ZNF331: variants seen among roughly 807,000 people sequenced by gnomAD.
ZNF331 encodes C2H2-like zinc finger protein rearranged in thyroid adenomas.
A neutral mutation model predicts 7.0 loss-of-function variants in ZNF331; 2 were observed. The observed-to-expected ratio is 0.29, with a 90% confidence interval of 0.12 to 0.90. The LOEUF is 0.90. ZNF331 is among the 40% of genes least tolerant of loss of function. The pLI is 0.58. For missense variants in ZNF331, 432 were observed against 587.7 expected (o/e 0.74, Z 2.74); for synonymous variants, 196 against 205.4 (o/e 0.95, Z 0.39).
intron 3 of ZNF331, among the ~76,000 whole-genome samples, chr19:53,568,123 C>T (rs1310546022): frequency 6.6e-6 from 1 of 151,898 alleles, no homozygotes; most frequent in African/African-American, 2.4e-5. Flanking sequence ...GTGGCATGTG[C>T]CTATAGTCCC....
At chr19:53,544,022 A>T (rs1467218020) in intron 2 of ZNF331, among the ~76,000 whole-genome samples, 1 of 151,748 alleles carries the variant, frequency 6.6e-6, no homozygotes. Flanking sequence ...AGGTCAGGAG[A>T]TCGAGACCGT....
In ZNF331 at chr19:53,539,655, C is replaced by A. The variant is rs752187595; in HGVS notation, c.-138+373C>A. On this transcript the variant is annotated intron_variant, in intron 2 of 5. Transcript: ENST00000449416. This position sits in a 1 kb window ranked among gnomAD's most constrained non-coding sequence, Gnocchi z 6.1. ...TGCCTTTAACTCCACTTACAACTTT[C>A]CAAGGGACATTCTGTGTATATTTAC... is the stretch of plus-strand genomic sequence containing the variant. 4 of 152,154 alleles carry A rather than the reference C, an allele frequency of 2.6e-5. No individual in the cohort carries two copies. The highest frequency in any genetic ancestry group is 4.4e-5 in the Non-Finnish European group (3 of 68,044). The allele number at this position is 152,154 out of a possible 1,614,324, so 9.4% of individuals were successfully genotyped here.
rs772337491 is a variant in ZNF331, at chr19:53,576,734, A to G, written c.174A>G (p.Thr58=). The change falls in exon 6 of 6, where the codon ACA becomes ACG. Residue 58 remains threonine, a synonymous_variant. Transcript: ENST00000449416. Reference sequence around the variant, plus strand: ...CATATGAAAATAAGAGTTTACCTACAGAAAAAAACATTCATGAAATAAGGG... The same window carrying G: ...CATATGAAAATAAGAGTTTACCTACGGAAAAAAACATTCATGAAATAAGGG... ...ESAYENKSLP[T]EKNIHEIRAS... 1 of 1,611,650 alleles carries G rather than the reference A, an allele frequency of 6.2e-7. No individual in the cohort carries two copies. The highest frequency in any genetic ancestry group is 1.1e-5 in the South Asian group (1 of 90,536).
In ZNF331 at chr19:53,579,556, CTAT is replaced by C. The variant is rs2090852339; in HGVS notation, c.*1606_*1608del. 9.9e-6 allele frequency: 2 copies of C among 202,836 alleles called. No individual in the cohort carries two copies. Among genetic ancestry groups the C allele is most frequent in the African/African-American group, 2.3e-5 (1 of 43,608 alleles). The allele number at this position is 202,836 out of a possible 1,614,324, so 12.6% of individuals were successfully genotyped here. On this transcript the variant is annotated 3_prime_UTR_variant, in exon 6 of 6. Transcript: ENST00000449416. ...ATTGTGTAATTTTAATAAATAATAACTATTGTTGTTTTTATGATCATTACTACC... is the reference window on the plus strand; with the variant it reads ...ATTGTGTAATTTTAATAAATAATAACTGTTGTTTTTATGATCATTACTACC...
In ZNF331 at chr19:53,576,831, A is replaced by C; in HGVS notation, c.271A>C (p.Arg91=). The change falls in exon 6 of 6, where the codon AGA becomes CGA. Residue 91 remains arginine (R), a synonymous_variant. Transcript: ENST00000449416. ...CTGGATATGTGAAGGTACGCTTGAA[A>C]GACCACAGCGCTCCAGAGGGAGGTA... ...RNWICEGTLE[R]PQRSRGRYVN... 1 of 1,614,198 alleles carries C rather than the reference A, an allele frequency of 6.2e-7. No individual in the cohort carries two copies. Among genetic ancestry groups the C allele is most frequent in the Non-Finnish European group, 8.5e-7 (1 of 1,180,046 alleles).
chr19:53,513,802 G>T, the ZNF331 span, among the ~76,000 whole-genome samples: 1 of 152,142 alleles, frequency 6.6e-6, no homozygotes, highest in South Asian at 2.1e-4. Flanking sequence ...TAGAGATGAG[G>T]TTTCACCATG....
At chr19:53,528,223 G>A (rs780846461) in intron 2 of ZNF331, among the ~76,000 whole-genome samples, 11 of 152,102 alleles carry the variant, frequency 7.2e-5, no homozygotes, top group African/African-American at 1.7e-4. Context: ...TCTTAGAATC[G>A]TTTTTGCTAA....
At chr19:53,556,869 A>G (rs6509791) in intron 3 of ZNF331, among the ~76,000 whole-genome samples, 114,133 of 151,612 alleles carry the variant, frequency 0.75, 43,685 homozygotes, top group African/African-American at 0.9. Context: ...GCAGTGGCAC[A>G]ATCTTGGCTC....
intron 3 of ZNF331, among the ~76,000 whole-genome samples, chr19:53,565,508 C>T (rs751675386): frequency 6.6e-6 from 1 of 151,720 alleles, no homozygotes; most frequent in Non-Finnish European, 1.5e-5. Flanking sequence ...CCTTTTTTGT[C>T]CTTTATCCTT....
chr19:53,521,511 G>GT (rs1259977773), exon 1 of ZNF331: 1 of 152,302 alleles, frequency 6.6e-6, no homozygotes, highest in African/African-American at 2.4e-5. Context: ...CCCATAAACT[G>GT]TGACACAGGT....
chr19:53,523,029 T>C (rs1017214231), intron 2 of ZNF331, among the ~76,000 whole-genome samples: 1 of 152,170 alleles, frequency 6.6e-6, no homozygotes, highest in Non-Finnish European at 1.5e-5. Flanking sequence ...TTTTTTAACA[T>C]GGTTAATTTT....
rs751571163 is a variant in ZNF331 at position 53,578,792 on chromosome 19, GTTGTTT to G, written c.*861_*866del. On this transcript the variant is annotated 3_prime_UTR_variant, in exon 6 of 6. Coordinates refer to ENST00000449416, the MANE Select transcript of ZNF331 (RefSeq NM_001079906.2). ...TTAACGTAAGGCTTCACTGATCACT[GTTGTTT>G]TTGTTTTTGTTTTTGTTTTTTTGAG... 26 of 202,958 alleles carry G rather than the reference GTTGTTT, an allele frequency of 1.3e-4. No individual in the cohort carries two copies. The highest frequency in any genetic ancestry group is 2.0e-4 in the Non-Finnish European group (20 of 99,132). The allele number at this position is 202,958 out of a possible 1,614,324, so 12.6% of individuals were successfully genotyped here.
intron 3 of ZNF331, among the ~76,000 whole-genome samples, chr19:53,556,956 C>G (rs572481566): frequency 1.4e-5 from 2 of 146,356 alleles, no homozygotes; most frequent in Admixed American, 6.9e-5. Flanking sequence ...CAGGTGTGAG[C>G]CACCACACCT....
chr19:53,505,926 A>G, the ZNF331 span, among the ~76,000 whole-genome samples: 1 of 151,932 alleles, frequency 6.6e-6, no homozygotes, highest in South Asian at 2.1e-4. Flanking sequence ...CGGAGGTCGC[A>G]CTAGCCGAGA....
upstream of ZNF331, among the ~76,000 whole-genome samples, chr19:53,534,227 G>C (rs547974718): frequency 4.1e-4 from 63 of 152,218 alleles, no homozygotes; most frequent in African/African-American, 1.5e-3. Flanking sequence ...GGCTCTAGGA[G>C]GCATTCTCTT....
intron 1 of ZNF331, chr19:53,522,231 C>T: frequency 6.6e-6 from 1 of 150,758 alleles, no homozygotes; most frequent in South Asian, 2.1e-4. Context: ...GGTCTGGGGA[C>T]AAGTGTGCCC....
intron 5 of ZNF331, among the ~76,000 whole-genome samples, chr19:53,576,326 T>A (rs1407101516): frequency 2.0e-5 from 3 of 152,324 alleles, no homozygotes; most frequent in African/African-American, 7.2e-5. Flanking sequence ...GACATATACG[T>A]GTATCAGTTT....
intron 2 of ZNF331, among the ~76,000 whole-genome samples, chr19:53,551,623 G>T (rs527812007): frequency 6.6e-6 from 1 of 152,064 alleles, no homozygotes; most frequent in Non-Finnish European, 1.5e-5. Context: ...TGCATCTGTG[G>T]ATTCAGCCAC....
At chr19:53,546,031 C>T (rs1472754031) in intron 2 of ZNF331, among the ~76,000 whole-genome samples, 8 of 151,260 alleles carry the variant, frequency 5.3e-5, no homozygotes, top group South Asian at 2.1e-4. Context: ...TGGGGACAGG[C>T]GTGCCCTGGA....
Sources: gnomAD v4.1 joint callset for allele counts (sites outside exome capture counted in the v4.1 genomes callset) on GRCh38, gnomAD v4.1.1 for gene constraint, Gnocchi (gnomAD v3.1) non-coding constraint, MANE v1.5 for transcripts, NCBI Gene and HGNC (gene_info 2026-07-23, HGNC 2026-07-21) for gene names.